Variants in ZNF626 observed in about 807,000 individuals in gnomAD.
ZNF626 encodes zinc finger protein 626.
ZNF626 carries 4 observed loss-of-function variants against 11.7 expected under a neutral mutation model. The ratio of observed to expected loss-of-function variants is 0.34; its 90% CI spans 0.17 to 0.78. The LOEUF (loss-of-function observed/expected upper bound fraction) is 0.78, where lower values mean the gene tolerates loss of function less well. ZNF626 is among the 30% of genes least tolerant of loss of function. ZNF626 has a pLI of 0.57. For synonymous variants in ZNF626, 179 were observed against 198.6 expected (o/e 0.90, Z 0.83); for missense variants, 588 against 587.1 (o/e 1.00, Z -0.01).
rs373024246 is a variant in ZNF626, at chr19:20,648,618, G to C, written c.4-2213C>G. On this transcript the variant is annotated intron_variant, in intron 1 of 3. Transcript: ENST00000601440. Reference sequence around the variant, plus strand: ...TCTTGATCTCCTGCATGATCCACCTGCCTCAGCCTCCCAAAGTGCTGGGAT... The same window carrying C: ...TCTTGATCTCCTGCATGATCCACCTCCCTCAGCCTCCCAAAGTGCTGGGAT... Among the ~76,000 whole-genome samples the C allele has an allele frequency of 1.6e-4, 24 of 152,162 alleles. No homozygotes were observed. The South Asian group carries it at 4.8e-3, about 30-fold the overall frequency.
chr19:20,631,043 T>G (rs1327339392), intron 3 of ZNF626, among the ~76,000 whole-genome samples: 15 of 152,162 alleles, frequency 9.9e-5, no homozygotes, highest in Non-Finnish European at 1.8e-4. Context: ...CCAGTAGTCA[T>G]TCAGGAGCAG....
chr19:20,653,593 CACTCCAGCCTGGGGG>C (rs539155912), intron 1 of ZNF626, among the ~76,000 whole-genome samples: 268 of 149,664 alleles, frequency 1.8e-3, no homozygotes, highest in Non-Finnish European at 3.3e-3. Context: ...AGCACCACTG[CACTCCAGCCTGGGGG>C]ACAGAGTGAG....
intron 3 of ZNF626, 142 bp downstream of exon 3, chr19:20,645,542 C>A: frequency 6.4e-7 from 1 of 1,554,300 alleles, no homozygotes; most frequent in Admixed American, 2.2e-5. Context: ...ACCAAACAAA[C>A]AAACAAACAA....
At chr19:20,653,874 A>C (rs190230253) in intron 1 of ZNF626, among the ~76,000 whole-genome samples, 12 of 152,158 alleles carry the variant, frequency 7.9e-5, no homozygotes, top group African/African-American at 2.9e-4. Flanking sequence ...AACATAGCTA[A>C]TTGAAGAGCT....
chr19:20,656,080 G>A (rs1555773082), intron 1 of ZNF626, among the ~76,000 whole-genome samples: 2 of 152,018 alleles, frequency 1.3e-5, no homozygotes, highest in African/African-American at 4.8e-5. Context: ...AAAGATATAT[G>A]AAATCCGTAA....
At chr19:20,652,048 G>A (rs976620776) in intron 1 of ZNF626, among the ~76,000 whole-genome samples, 13 of 152,164 alleles carry the variant, frequency 8.5e-5, no homozygotes. Context: ...ACTCCCAAAT[G>A]GGAGCTGTAA....
Position 20,661,502 on chromosome 19 carries a change from G to C in ZNF626, c.-56C>G. The C allele has an allele frequency of 3.1e-6, 5 of 1,605,738 alleles. No homozygotes were observed. The highest frequency in any genetic ancestry group is 2.6e-6 in the Non-Finnish European group (3 of 1,175,520). On this transcript the variant is annotated 5_prime_UTR_variant, in exon 1 of 4. Transcript: ENST00000601440. ...GCTGTGGATCTCCCAATACCTGCAG[G>C]ACACGGGGCCACACAGCCTGGGCCT...
Position 20,646,272 on chromosome 19 carries a change from T to C in ZNF626, c.130+7A>G, listed in dbSNP as rs1970076084. 3 of 1,612,488 alleles carry C rather than the reference T, an allele frequency of 1.9e-6. No homozygotes were observed. Among genetic ancestry groups the C allele is most frequent in the Non-Finnish European group, 2.5e-6 (3 of 1,179,388 alleles). On this transcript the variant is annotated splice_region_variant and intron_variant, in intron 2 of 3. Transcript: ENST00000601440. ...TAGGGTATATTATGTACTCAAGTTA[T>C]CCTCACCAAGGAAGACCAGGTTACT...
At chr19:20,626,220 A>C (rs1223481885) in intron 3 of ZNF626, among the ~76,000 whole-genome samples, 1 of 152,038 alleles carries the variant, frequency 6.6e-6, no homozygotes, top group African/African-American at 2.4e-5. Flanking sequence ...TGAGATTCCC[A>C]GAATCTCTAG....
Position 20,623,908 on chromosome 19 carries a change from C to T in ZNF626, c.*382G>A. 1 of 342,598 alleles carries T rather than the reference C, an allele frequency of 2.9e-6. No homozygotes were observed. The highest frequency in any genetic ancestry group is 5.7e-6 in the Non-Finnish European group (1 of 175,356). 21.2% of individuals were successfully genotyped at this position (342,598 alleles called of 1,614,324 possible). ...ATGTGTAATAAAGGTTGAGAAGTTC[C>T]TTAAAAAATCTGTCACATTCTTTAT... On this transcript the variant is annotated 3_prime_UTR_variant, in exon 4 of 4. Transcript: ENST00000601440.
intron 1 of ZNF626, among the ~76,000 whole-genome samples, chr19:20,646,620 G>A (rs1187650341): frequency 6.6e-6 from 1 of 152,132 alleles, no homozygotes; most frequent in Non-Finnish European, 1.5e-5. Flanking sequence ...ATCAATTCAT[G>A]TATGTTTCTA....
intron 3 of ZNF626, among the ~76,000 whole-genome samples, chr19:20,636,801 G>A (rs1555770933): frequency 6.6e-6 from 1 of 152,112 alleles, no homozygotes; most frequent in Non-Finnish European, 1.5e-5. Flanking sequence ...TGGGTGGATT[G>A]TCTGAGGTCA....
intron 3 of ZNF626, among the ~76,000 whole-genome samples, chr19:20,637,213 G>A (rs1406368860): frequency 5.3e-5 from 8 of 152,066 alleles, no homozygotes; most frequent in African/African-American, 1.7e-4. Context: ...AATCGGCTGG[G>A]CGCAGTGGCT....
At position 20,625,553 on chromosome 19, in the gene ZNF626, A is replaced by G. The variant is rs782483634; in HGVS notation, c.324T>C (p.His108=). The change falls in exon 4 of 4, where the codon CAT becomes CAC. Residue 108 remains histidine, a synonymous_variant. Coordinates refer to ENST00000601440, the MANE Select transcript of ZNF626 (RefSeq NM_001076675.3). ...VVLRRYEKCE[H]DNLQLKKGCI... ...ATCCTTTTTTTAACTGTAAATTGTC[A>G]TGTTCACATTTTTCATATCTTCTCA... The G allele has an allele frequency of 2.4e-5, 38 of 1,612,890 alleles. No individual in the cohort carries two copies. The highest frequency in any genetic ancestry group is 2.7e-5 in the Non-Finnish European group (32 of 1,179,618).
intron 3 of ZNF626, among the ~76,000 whole-genome samples, chr19:20,638,207 G>A (rs1472159106): frequency 6.6e-6 from 1 of 152,070 alleles, no homozygotes; most frequent in Non-Finnish European, 1.5e-5. Flanking sequence ...CAGATCATCT[G>A]AAGTCAGGAG....
chr19:20,624,199 G>C lies in ZNF626; in HGVS notation c.*91C>G, dbSNP rs782353083. On this transcript the variant is annotated 3_prime_UTR_variant, in exon 4 of 4. Coordinates refer to ENST00000601440, the MANE Select transcript of ZNF626 (RefSeq NM_001076675.3). ...TTCACATCTGTAGGGTTTTTTTCCA[G>C]TATGAATTTTCTTATGTGTAGTAAG... 5 of 1,600,718 alleles carry C rather than the reference G, an allele frequency of 3.1e-6. No individual in the cohort carries two copies. The South Asian group carries it at 5.5e-5, about 18-fold the overall frequency.
intron 3 of ZNF626, among the ~76,000 whole-genome samples, chr19:20,637,851 AAATT>A (rs1204229265): frequency 9.9e-5 from 15 of 152,186 alleles, no homozygotes; most frequent in Admixed American, 7.2e-4. Flanking sequence ...TTTTAAATAT[AAATT>A]AATTAAACTA....
chr19:20,630,953 CAG>C (rs1361486258), intron 3 of ZNF626, among the ~76,000 whole-genome samples: 1 of 151,614 alleles, frequency 6.6e-6, no homozygotes, highest in Non-Finnish European at 1.5e-5. Context: ...GAATGTGTCC[CAG>C]AGATTCTGGT....
chr19:20,637,463 C>T (rs544048897), intron 3 of ZNF626, among the ~76,000 whole-genome samples: 1 of 132,546 alleles, frequency 7.5e-6, no homozygotes, highest in East Asian at 2.2e-4. Flanking sequence ...CCTGCCTGGA[C>T]AACAGAGTGA....
Sources: allele counts gnomAD v4.1 joint callset (sites outside exome capture counted in the v4.1 genomes callset), GRCh38; gene constraint gnomAD v4.1.1; transcripts MANE v1.5; gene names NCBI Gene and HGNC (gene_info 2026-07-23, HGNC 2026-07-21).